VWA8: variants seen among roughly 807,000 people sequenced by gnomAD.
The protein encoded by VWA8 is von Willebrand factor A domain-containing protein 8.
In VWA8, 221 loss-of-function variants were observed where a neutral mutation model predicts 241.5. That is an observed-to-expected ratio of 0.91 (90% CI 0.82 to 1.02). VWA8 has a LOEUF of 1.02. Ranked by LOEUF, VWA8 falls within the 50% of genes least tolerant of loss-of-function variation. VWA8 has a pLI of 0.00. For missense variants in VWA8, 2,322 were observed against 2,328.7 expected, an observed-to-expected ratio of 1.00 and a Z score of 0.06; for synonymous variants, 852 against 827.1, an observed-to-expected ratio of 1.03 and a Z score of -0.52.
intron 37 of VWA8, among the ~76,000 whole-genome samples, chr13:41,666,397 C>T (rs1053726251): frequency 2.6e-5 from 4 of 152,158 alleles, no homozygotes; most frequent in South Asian, 2.1e-4. Context: ...CTGTCCCTAT[C>T]ACCATCTTAC....
chr13:41,741,942 T>C (rs2045572271), intron 21 of VWA8, among the ~76,000 whole-genome samples: 1 of 151,766 alleles, frequency 6.6e-6, no homozygotes, highest in Non-Finnish European at 1.5e-5. Flanking sequence ...AAGAACAGAG[T>C]CCTGATTATG....
chr13:41,575,697 T>G, intron 43 of VWA8, 43 bp downstream of exon 43: 3 of 1,453,666 alleles, frequency 2.1e-6, no homozygotes, highest in Non-Finnish European at 2.9e-6. Context: ...TTACCTAACC[T>G]GATAGAAGCT....
chr13:41,873,609 A>G (rs1219413967), intron 9 of VWA8, among the ~76,000 whole-genome samples: 1 of 152,196 alleles, frequency 6.6e-6, no homozygotes, highest in African/African-American at 2.4e-5. Context: ...TCCTCGACAC[A>G]TACACTCTCC....
rs145343443 is a variant in VWA8, at chr13:41,589,032, G to A, written c.5113-1362C>T. On this transcript the variant is annotated intron_variant, in intron 41 of 44. Transcript: ENST00000379310. ...ACTCATACCAATGACACAGAAATAA[G>A]AACTCCCCAAATCACCAGATCCTCT... Among the ~76,000 whole-genome samples the A allele has an allele frequency of 3.3e-5, 5 of 152,134 alleles. No homozygotes were observed. In the East Asian group the frequency reaches 9.7e-4, roughly 30 times the overall value.
intron 14 of VWA8, among the ~76,000 whole-genome samples, chr13:41,829,621 A>C (rs1276078771): frequency 6.6e-6 from 1 of 152,064 alleles, no homozygotes; most frequent in Non-Finnish European, 1.5e-5. Context: ...GGAATGAAAT[A>C]ATATCTTTTG....
At chr13:41,950,241 C>A (rs1288082331) in intron 1 of VWA8, among the ~76,000 whole-genome samples, 2 of 151,998 alleles carry the variant, frequency 1.3e-5, no homozygotes, top group Non-Finnish European at 2.9e-5. Context: ...AGCAAACAAA[C>A]AAACAAAAAC....
intron 12 of VWA8, among the ~76,000 whole-genome samples, chr13:41,840,764 A>G (rs1871961518): frequency 6.6e-6 from 1 of 152,098 alleles, no homozygotes; most frequent in South Asian, 2.1e-4. Flanking sequence ...CTCAAAAAAA[A>G]AAAAAAGGTA....
intron 12 of VWA8, among the ~76,000 whole-genome samples, chr13:41,860,776 T>C (rs910157563): frequency 2.6e-5 from 4 of 152,162 alleles, no homozygotes; most frequent in African/African-American, 9.7e-5. Flanking sequence ...TTATTAGATA[T>C]ACACATACTC....
At chr13:41,885,697 T>C (rs769612583) in intron 8 of VWA8, among the ~76,000 whole-genome samples, 8 of 152,218 alleles carry the variant, frequency 5.3e-5, no homozygotes, top group Non-Finnish European at 1.2e-4. Flanking sequence ...TTACTGAGAT[T>C]GCATGTCTAG....
At chr13:41,600,279 G>A (rs1238873612) in intron 40 of VWA8, among the ~76,000 whole-genome samples, 1 of 152,150 alleles carries the variant, frequency 6.6e-6, no homozygotes, top group Non-Finnish European at 1.5e-5. Flanking sequence ...CAAAGACTGA[G>A]TTAGAGATGC....
At chr13:41,955,774 C>T (rs1434492922) in intron 1 of VWA8, 1 of 152,058 alleles carries the variant, frequency 6.6e-6, no homozygotes, top group Non-Finnish European at 1.5e-5. Flanking sequence ...TAACTGAAAC[C>T]GGAACTTAGG....
chr13:41,786,206 T>C (rs1198254790), intron 18 of VWA8, among the ~76,000 whole-genome samples: 2 of 152,160 alleles, frequency 1.3e-5, no homozygotes, highest in Non-Finnish European at 2.9e-5. Flanking sequence ...ATACATATTC[T>C]GGTTTCTCTA....
chr13:41,847,990 C>T (rs1872362294), intron 12 of VWA8, among the ~76,000 whole-genome samples: 1 of 151,962 alleles, frequency 6.6e-6, no homozygotes, highest in African/African-American at 2.4e-5. Context: ...AATAATGGGC[C>T]CAAGGATAGT....
chr13:41,866,145 C>T lies in VWA8; in HGVS notation c.1213-109G>A, dbSNP rs189582319. On this transcript the variant is annotated intron_variant, in intron 10 of 44. Transcript: ENST00000379310. ...GGCAGATCACTTGAGGTTAGTAGTTCGAGACCAGCCTGGCCAATATGGTGA... is the reference window on the plus strand; with the variant it reads ...GGCAGATCACTTGAGGTTAGTAGTTTGAGACCAGCCTGGCCAATATGGTGA... 1.9e-4 allele frequency: 263 copies of T among 1,381,430 alleles called. 1 individual carries two copies. In the African/African-American group the frequency reaches 3.2e-3, roughly 17 times the overall value. 85.6% of individuals were successfully genotyped at this position (1,381,430 alleles called of 1,614,324 possible).
At chr13:41,743,278 G>C (rs952629994) in intron 21 of VWA8, among the ~76,000 whole-genome samples, 1 of 152,178 alleles carries the variant, frequency 6.6e-6, no homozygotes, top group Non-Finnish European at 1.5e-5. Flanking sequence ...TTAACCAGGA[G>C]GCTACTGCAA....
chr13:41,786,980 G>A (rs892885605), intron 18 of VWA8, among the ~76,000 whole-genome samples: 1 of 151,728 alleles, frequency 6.6e-6, no homozygotes, highest in Non-Finnish European at 1.5e-5. Flanking sequence ...AAGAGGGCAT[G>A]CATATTCTGA....
chr13:41,633,800 C>T (rs61963034), intron 37 of VWA8, among the ~76,000 whole-genome samples: 4,942 of 152,162 alleles, frequency 0.032, 89 homozygotes, highest in South Asian at 0.078. Flanking sequence ...CGAACATAGG[C>T]GGGTTGGTCA....
chr13:41,572,261 A>G (rs1483791795), intron 43 of VWA8, among the ~76,000 whole-genome samples: 2 of 152,154 alleles, frequency 1.3e-5, no homozygotes, highest in African/African-American at 4.8e-5. Context: ...CTGGGAAGTG[A>G]GGAGCCCCTC....
chr13:41,784,454 G>C (rs988032547), intron 18 of VWA8, among the ~76,000 whole-genome samples: 1 of 151,816 alleles, frequency 6.6e-6, no homozygotes, highest in Non-Finnish European at 1.5e-5. Flanking sequence ...CTTGAGCCTA[G>C]GGGTTCAAGA....
Sources: allele counts gnomAD v4.1 joint callset (sites outside exome capture counted in the v4.1 genomes callset), GRCh38; gene constraint gnomAD v4.1.1; transcripts MANE v1.5; gene names NCBI Gene and HGNC (gene_info 2026-07-23, HGNC 2026-07-21).